Variants in PLCH1 observed in about 807,000 individuals in gnomAD.
The protein encoded by PLCH1 is 1-phosphatidylinositol 4,5-bisphosphate phosphodiesterase eta-1.
Under a neutral mutation model 126.7 loss-of-function variants are expected in PLCH1, and 60 were observed. The ratio of observed to expected loss-of-function variants is 0.47; its 90% CI spans 0.38 to 0.59. The LOEUF (loss-of-function observed/expected upper bound fraction) is 0.59. Among genes scored for constraint, PLCH1 ranks in the 20% least tolerant of loss-of-function variants. The pLI, the probability that PLCH1 is intolerant of heterozygous loss-of-function variation, is 0.00. For synonymous variants in PLCH1, 719 were observed against 734.9 expected (o/e 0.98, Z 0.35); for missense variants, 1,723 against 2,040.0 (o/e 0.84, Z 2.99).
Position 155,481,112 on chromosome 3 carries a change from G to T in PLCH1, c.4914C>A (p.Gly1638=), listed in dbSNP as rs140431256. 14 of 1,614,088 alleles carry T rather than the reference G, an allele frequency of 8.7e-6. No homozygotes were observed. The highest frequency in any genetic ancestry group is 1.3e-5 in the African/African-American group (1 of 74,954). ...AGYLKNTKGG[G]LEGRGIPEGA... ...CCTCTGGGATGCCCCGGCCTTCAAG[G>T]CCACCCCCTTTCGTGTTCTTCAGGT... Residue 1638 remains glycine (G), a synonymous_variant, in exon 23 of 23, where the codon GGC becomes GGA. Transcript: ENST00000460012. This position sits in a 1 kb window ranked among gnomAD's most constrained non-coding sequence, Gnocchi z 4.2.
intron 2 of PLCH1, among the ~76,000 whole-genome samples, chr3:155,649,577 C>G (rs1453647029): frequency 1.3e-5 from 2 of 152,182 alleles, no homozygotes; most frequent in African/African-American, 4.8e-5. Context: ...CCATATCACA[C>G]AGCACCCTGG....
chr3:155,505,874 G>A (rs1369908126), intron 12 of PLCH1, among the ~76,000 whole-genome samples: 3 of 150,376 alleles, frequency 2.0e-5, no homozygotes, highest in African/African-American at 4.9e-5. Flanking sequence ...CCTTTAGCAA[G>A]CCTCTTCTCT....
intron 21 of PLCH1, among the ~76,000 whole-genome samples, chr3:155,486,809 C>A (rs1169266420): frequency 1.3e-5 from 2 of 152,088 alleles, no homozygotes; most frequent in Non-Finnish European, 2.9e-5. Context: ...CAGGCGTGAG[C>A]CACCGCGCCT....
At chr3:155,607,511 G>T (rs1041577225) in intron 2 of PLCH1, among the ~76,000 whole-genome samples, 11 of 151,874 alleles carry the variant, frequency 7.2e-5, no homozygotes, top group Non-Finnish European at 4.4e-5. Flanking sequence ...TGTGATCACG[G>T]CTCACTGCAG....
intron 2 of PLCH1, among the ~76,000 whole-genome samples, chr3:155,606,156 G>C (rs1034483489): frequency 6.6e-6 from 1 of 151,606 alleles, no homozygotes; most frequent in Non-Finnish European, 1.5e-5. Context: ...TTTTCTTCTT[G>C]AATCTTGTTT....
intron 21 of PLCH1, 54 bp from the exon 22 acceptor site, chr3:155,485,764 A>G: frequency 9.1e-7 from 1 of 1,101,568 alleles, no homozygotes; most frequent in Non-Finnish European, 1.3e-6. Flanking sequence ...CACATCAACA[A>G]CTTGCCTTGA....
At chr3:155,623,556 T>C (rs1052885636) in intron 2 of PLCH1, among the ~76,000 whole-genome samples, 4 of 151,876 alleles carry the variant, frequency 2.6e-5, no homozygotes, top group African/African-American at 9.7e-5. Flanking sequence ...ATAGACGTAA[T>C]AAAAAATGAT....
intron 3 of PLCH1, 89 bp downstream of exon 3, chr3:155,596,143 T>C: frequency 1.1e-6 from 1 of 911,228 alleles, no homozygotes; most frequent in Non-Finnish European, 1.7e-6. Context: ...GTATAAAACT[T>C]CCACAGATCT....
At chr3:155,537,155 G>A (rs1358580313) in intron 10 of PLCH1, among the ~76,000 whole-genome samples, 1 of 121,624 alleles carries the variant, frequency 8.2e-6, no homozygotes, top group Admixed American at 9.6e-5. Flanking sequence ...CAAAAATGCT[G>A]AGAGAATTCG....
intron 21 of PLCH1, among the ~76,000 whole-genome samples, chr3:155,472,219 G>C (rs567065042): frequency 2.0e-3 from 304 of 151,764 alleles, no homozygotes; most frequent in African/African-American, 6.4e-3. Flanking sequence ...GAATCAAATA[G>C]ACACAATAAA....
chr3:155,666,912 G>C (rs1184796461), intron 2 of PLCH1, among the ~76,000 whole-genome samples: 1 of 151,504 alleles, frequency 6.6e-6, no homozygotes, highest in African/African-American at 2.4e-5. Flanking sequence ...GTGTGTGTGT[G>C]TGTGTGTGTG....
intron 1 of PLCH1, among the ~76,000 whole-genome samples, chr3:155,732,614 A>G (rs901284584): frequency 6.6e-6 from 1 of 152,076 alleles, no homozygotes; most frequent in Admixed American, 6.6e-5. Flanking sequence ...ATGGTGGTTC[A>G]TGACTGTAAT....
chr3:155,545,836 CA>C, intron 10 of PLCH1, among the ~76,000 whole-genome samples: 1 of 152,164 alleles, frequency 6.6e-6, no homozygotes, highest in African/African-American at 2.4e-5. Context: ...CAAAATTCAA[CA>C]AGCTTCATGC....
Position 155,583,625 on chromosome 3 carries a change from CTCATCTGTGTCGGCT to C in PLCH1, c.603_617del (p.Ala202_Glu206del). ...CTTCAAATGTCAAAGTTCCCTGATTCTCATCTGTGTCGGCTTCCTGAAAAGGGCATAGAGAAAATA... is the reference window on the plus strand; with the variant it reads ...CTTCAAATGTCAAAGTTCCCTGATTCTCCTGAAAAGGGCATAGAGAAAATA... On this transcript the variant is annotated inframe_deletion and splice_region_variant, in exon 6 of 23. Transcript: ENST00000460012. The C allele has an allele frequency of 1.3e-6, 2 of 1,575,284 alleles. No homozygotes were observed. The highest frequency in any genetic ancestry group is 8.6e-7 in the Non-Finnish European group (1 of 1,169,202).
intron 1 of PLCH1, among the ~76,000 whole-genome samples, chr3:155,711,202 G>A (rs1252904038): frequency 6.6e-6 from 1 of 152,130 alleles, no homozygotes; most frequent in Non-Finnish European, 1.5e-5. Context: ...GAGGACTCAT[G>A]CAGCAAATGG....
chr3:155,696,948 A>G (rs1745863545), intron 2 of PLCH1, among the ~76,000 whole-genome samples: 1 of 152,228 alleles, frequency 6.6e-6, no homozygotes, highest in Admixed American at 6.5e-5. Flanking sequence ...AAGAATGAAC[A>G]CTGTCACTTC....
At chr3:155,541,511 C>T (rs1724227217) in intron 10 of PLCH1, among the ~76,000 whole-genome samples, 1 of 152,002 alleles carries the variant, frequency 6.6e-6, no homozygotes, top group African/African-American at 2.4e-5. Context: ...ACAGGGAGAA[C>T]TGAGGAGTGG....
chr3:155,706,674 T>G (rs1746699389), intron 1 of PLCH1, among the ~76,000 whole-genome samples: 1 of 151,874 alleles, frequency 6.6e-6, no homozygotes, highest in Non-Finnish European at 1.5e-5. Flanking sequence ...AGGTAGAATC[T>G]AAATTCACCT....
At chr3:155,519,602 C>T (rs1347095721) in intron 11 of PLCH1, among the ~76,000 whole-genome samples, 1 of 151,882 alleles carries the variant, frequency 6.6e-6, no homozygotes, top group Non-Finnish European at 1.5e-5. Flanking sequence ...CTACACATTG[C>T]AATCACCAGC....
Sources: allele counts gnomAD v4.1 joint callset (sites outside exome capture counted in the v4.1 genomes callset), GRCh38; gene constraint gnomAD v4.1.1; non-coding constraint Gnocchi (gnomAD v3.1); transcripts MANE v1.5; gene names NCBI Gene and HGNC (gene_info 2026-07-23, HGNC 2026-07-21).